Variants in CKM observed in about 807,000 individuals in gnomAD.
CKM encodes the protein creatine kinase, M-type, also known as creatine kinase M-type.
A neutral mutation model predicts 35.4 loss-of-function variants in CKM; 28 were observed. The ratio of observed to expected loss-of-function variants is 0.79; its 90% confidence interval spans 0.59 to 1.08. The LOEUF (loss-of-function observed/expected upper bound fraction) is 1.08. CKM is among the 50% of genes least tolerant of loss of function. The probability of loss-of-function intolerance (pLI) is 0.00; values close to 1 mark genes in which losing one functional copy is unlikely to be tolerated. For synonymous variants in CKM, 215 were observed against 204.4 expected, an observed-to-expected ratio of 1.05 and a Z score of -0.44; for missense variants, 484 against 509.8, an observed-to-expected ratio of 0.95 and a Z score of 0.49.
chr19:45,313,259 C>G (rs572160702), intron 4 of CKM, among the ~76,000 whole-genome samples: 1 of 152,236 alleles, frequency 6.6e-6, no homozygotes, highest in East Asian at 1.9e-4. Flanking sequence ...TGCAGACTTT[C>G]TCATTATTAC....
rs545497597 is a variant in CKM at position 45,319,436 on chromosome 19, C to T, written c.193+85G>A. On this transcript the variant is annotated intron_variant, in intron 2 of 7. Transcript: ENST00000221476. ...GATGAGAAAACTGAGGCCCCCCCCC[C>T]TTCAAGGGTGGTGGGATTGGGGCAT... The T allele has an allele frequency of 7.3e-6, 8 of 1,094,036 alleles. No individual in the cohort carries two copies. The Admixed American group carries it at 9.8e-5, about 13-fold the overall frequency. The allele number at this position is 1,094,036 out of a possible 1,614,324, so 67.8% of individuals were successfully genotyped here. A position where few individuals can be genotyped will look rare whatever the true frequency, so the allele number is the denominator to read the frequency against.
Position 45,307,533 on chromosome 19 carries a change from G to C in CKM, c.895C>G (p.Leu299Val), listed in dbSNP as rs150271912. 616 of 1,614,100 alleles carry C rather than the reference G, an allele frequency of 3.8e-4. 1 individual carries two copies. In the Middle Eastern group the frequency reaches 6.6e-3, roughly 17 times the overall value. The change falls in exon 7 of 8, where the codon CTG becomes GTG. Residue 299 changes from leucine to valine, a missense_variant. Transcript: ENST00000221476. ...TGLRGGVHVK[L>V]AHLSKHPKFE... ...TTGGGGTGCTTGCTCAGGTGCGCCA[G>C]CTTCACATGCACGCCTCCACGCAGC...
intron 1 of CKM, among the ~76,000 whole-genome samples, chr19:45,320,646 T>C (rs544116041): frequency 6.6e-6 from 1 of 152,232 alleles, no homozygotes; most frequent in East Asian, 1.9e-4. Context: ...GAAAAATATT[T>C]TGTGTGGGTA....
chr19:45,308,590 C>T, intron 5 of CKM, 58 bp from the exon 6 acceptor site: 1 of 1,612,134 alleles, frequency 6.2e-7, no homozygotes, highest in Non-Finnish European at 8.5e-7. Context: ...AACCCCATTC[C>T]CAGCCCTCCC....
chr19:45,319,493 C>T lies in CKM; in HGVS notation c.193+28G>A, dbSNP rs1226903750. 3.1e-6 allele frequency: 5 copies of T among 1,591,644 alleles called. No individual in the cohort carries two copies. The East Asian group carries it at 8.9e-5, about 28-fold the overall frequency. On this transcript the variant is annotated intron_variant, in intron 2 of 7. Coordinates refer to ENST00000221476, the MANE Select transcript of CKM (RefSeq NM_001824.5). ...CAGCCTCCAGAGCCCCCATGTAGCCCCTTCAGTGCTCCACTGGGGAGGCTC... is the reference window on the plus strand; with the variant it reads ...CAGCCTCCAGAGCCCCCATGTAGCCTCTTCAGTGCTCCACTGGGGAGGCTC...
At chr19:45,313,113 A>G (rs1384154045) in intron 4 of CKM, among the ~76,000 whole-genome samples, 1 of 152,060 alleles carries the variant, frequency 6.6e-6, no homozygotes, top group African/African-American at 2.4e-5. Flanking sequence ...GTTTTATTGC[A>G]TTTTGCAGAT....
rs545438879 is a variant in CKM, at chr19:45,314,207, C to T, written c.481+1258G>A. Among the ~76,000 whole-genome samples the T allele has an allele frequency of 9.9e-5, 15 of 152,112 alleles. No individual in the cohort carries two copies. In the East Asian group the frequency reaches 2.7e-3, roughly 27 times the overall value. Reference sequence around the variant, plus strand: ...GAAGGAAGGAAGGAAGGAATTGCCGCAGCCATCTCAACCTTGAACGACAAC... The same window carrying T: ...GAAGGAAGGAAGGAAGGAATTGCCGTAGCCATCTCAACCTTGAACGACAAC... On this transcript the variant is annotated intron_variant, in intron 4 of 7. Coordinates refer to ENST00000221476, the MANE Select transcript of CKM (RefSeq NM_001824.5).
chr19:45,320,890 C>CTATTATTATTATTAT (rs61014137), intron 1 of CKM, among the ~76,000 whole-genome samples: 1,683 of 146,296 alleles, frequency 0.012, 17 homozygotes, highest in South Asian at 0.014. Flanking sequence ...CACTTAGCTG[C>CTATTATTATTATTAT]TATTATTATT....
Position 45,315,450 on chromosome 19 carries a change from G to A in CKM, c.481+15C>T. 1 of 1,598,230 alleles carries A rather than the reference G, an allele frequency of 6.3e-7. No homozygotes were observed. Among genetic ancestry groups the A allele is most frequent in the East Asian group, 2.2e-5 (1 of 44,844 alleles). ...GCTGGGTGACCCCAGCAGTGGACGG[G>A]GTAGGGGCGCTCACCTTCCACAGAG... is the stretch of plus-strand genomic sequence containing the variant. On this transcript the variant is annotated intron_variant, in intron 4 of 7. Coordinates refer to ENST00000221476, the MANE Select transcript of CKM (RefSeq NM_001824.5).
At chr19:45,320,089 T>TAGCTCGCGTC in intron 1 of CKM, among the ~76,000 whole-genome samples, 1 of 149,640 alleles carries the variant, frequency 6.7e-6, no homozygotes, top group Non-Finnish European at 1.5e-5. Context: ...GCACCCGGCC[T>TAGCTCGCGTC]TTTCTTCTTT....
At chr19:45,310,810 G>A (rs1310372654) in intron 5 of CKM, among the ~76,000 whole-genome samples, 7 of 114,070 alleles carry the variant, frequency 6.1e-5, no homozygotes, top group Non-Finnish European at 1.2e-4. Flanking sequence ...GTCTCCTGTC[G>A]CCCAGGCTGG....
At position 45,308,455 on chromosome 19, in the gene CKM, C is replaced by G; in HGVS notation, c.731G>C (p.Gly244Ala). 1 of 1,614,136 alleles carries G rather than the reference C, an allele frequency of 6.2e-7. No homozygotes were observed. Among genetic ancestry groups the G allele is most frequent in the Non-Finnish European group, 8.5e-7 (1 of 1,179,998 alleles). The change falls in exon 6 of 8, where the codon GGC (glycine) becomes GCC (alanine). Residue 244 changes from glycine (G) to alanine (A), a missense_variant. Physicochemically the swap from Gly to Ala is moderately conservative, Grantham distance 60. Transcript: ENST00000221476. ...GCGGCGGAAAACCTCCTTCATGTTG[C>G]CCCCCTTCTCCATGGAGATGACCCG... ...HLRVISMEKG[G>A]NMKEVFRRFC... is the part of the protein sequence containing the mutation.
intron 3 of CKM, among the ~76,000 whole-genome samples, chr19:45,316,117 G>A (rs1205443661): frequency 6.6e-6 from 1 of 151,974 alleles, no homozygotes; most frequent in Non-Finnish European, 1.5e-5. Flanking sequence ...ATCACCTGAG[G>A]TCAGGAGTTC....
intron 1 of CKM, among the ~76,000 whole-genome samples, chr19:45,320,169 C>T (rs1971200536): frequency 6.6e-6 from 1 of 152,076 alleles, no homozygotes; most frequent in Non-Finnish European, 1.5e-5. Flanking sequence ...TCACTGCAGC[C>T]TCCACCTCCC....
intron 3 of CKM, among the ~76,000 whole-genome samples, chr19:45,317,012 G>A (rs536131337): frequency 6.6e-6 from 1 of 151,750 alleles, no homozygotes; most frequent in South Asian, 2.1e-4. Flanking sequence ...ACATGCTTTT[G>A]TGCCTTTCTT....
At chr19:45,321,184 A>G (rs1971210864) in intron 1 of CKM, among the ~76,000 whole-genome samples, 1 of 151,900 alleles carries the variant, frequency 6.6e-6, no homozygotes, top group Admixed American at 6.6e-5. Context: ...GATTACAGGC[A>G]TGAGTCACGG....
At chr19:45,322,626 G>A (rs972752900) in intron 1 of CKM, among the ~76,000 whole-genome samples, 195 bp downstream of exon 1, 7 of 152,194 alleles carry the variant, frequency 4.6e-5, no homozygotes, top group Admixed American at 4.6e-4. Context: ...CCAGTGGGGG[G>A]TTCAGGCAGC....
chr19:45,308,295 GCCC>G, intron 6 of CKM, 111 bp downstream of exon 6: 1 of 1,341,566 alleles, frequency 7.5e-7, no homozygotes. Flanking sequence ...GGGGGGCAGG[GCCC>G]TGGAAAATGG....
intron 6 of CKM, 23 bp from the exon 7 acceptor site, chr19:45,307,673 G>C: frequency 6.2e-7 from 1 of 1,609,648 alleles, no homozygotes; most frequent in African/African-American, 1.3e-5. Flanking sequence ...GAGAGGACCA[G>C]GGGTCAGCGC....
Sources: gnomAD v4.1 joint callset for allele counts (sites outside exome capture counted in the v4.1 genomes callset) on GRCh38, gnomAD v4.1.1 for gene constraint, MANE v1.5 for transcripts, NCBI Gene and HGNC (gene_info 2026-07-23, HGNC 2026-07-21) for gene names.